KIAA1549L: variants seen among roughly 807,000 people sequenced by gnomAD.
KIAA1549L encodes UPF0606 protein KIAA1549L.
KIAA1549L carries 88 observed loss-of-function variants against 160.7 expected under a neutral mutation model. The observed-to-expected ratio is 0.55, with a 90% CI of 0.46 to 0.65. The LOEUF is 0.65. Ranked by LOEUF, KIAA1549L falls within the 30% of genes least tolerant of loss-of-function variation. The pLI is 0.00. For synonymous variants in KIAA1549L, 950 were observed against 976.7 expected (o/e 0.97, Z 0.51); for missense variants, 2,258 against 2,437.5 (o/e 0.93, Z 1.55).
At chr11:33,485,085 C>T (rs1422477989) in intron 1 of KIAA1549L, among the ~76,000 whole-genome samples, 1 of 152,170 alleles carries the variant, frequency 6.6e-6, no homozygotes, top group Non-Finnish European at 1.5e-5. Flanking sequence ...GACCCAGCAC[C>T]TTCAACCTTA....
intron 1 of KIAA1549L, among the ~76,000 whole-genome samples, chr11:33,523,424 T>A (rs891864165): frequency 3.3e-5 from 5 of 152,254 alleles, no homozygotes; most frequent in Non-Finnish European, 7.3e-5. Flanking sequence ...CATATCTATT[T>A]ATTGGAACAT....
At chr11:33,615,881 G>A (rs1366291581) in intron 15 of KIAA1549L, among the ~76,000 whole-genome samples, 2 of 152,168 alleles carry the variant, frequency 1.3e-5, no homozygotes, top group South Asian at 4.1e-4. Flanking sequence ...TCCCAAAAAC[G>A]ATGTGTAATT....
chr11:33,513,444 C>T (rs1269756853), intron 1 of KIAA1549L, among the ~76,000 whole-genome samples: 5 of 152,138 alleles, frequency 3.3e-5, no homozygotes, highest in African/African-American at 1.2e-4. Flanking sequence ...CAGAAGAGAA[C>T]GTGCCACTGG....
chr11:33,542,123 G>A lies in KIAA1549L; in HGVS notation c.560G>A (p.Gly187Glu), dbSNP rs1037202576. Residue 187 changes from glycine (G) to glutamate (E), a missense_variant, in exon 2 of 21, where the codon GGA becomes GAA. By Grantham distance (98) the Gly-to-Glu change is moderately conservative. This residue lies in a region of KIAA1549L where 540 missense variants were observed against 465.7 expected (regional missense o/e 1.16). Coordinates refer to ENST00000658780, the MANE Select transcript of KIAA1549L (RefSeq NM_012194.3). ...CTGGTCCAACCGGGGCCTAAAGGGGGACAAGAAGCAGCCGATGTGTCAGGT... is the reference window on the plus strand; with the variant it reads ...CTGGTCCAACCGGGGCCTAAAGGGGAACAAGAAGCAGCCGATGTGTCAGGT... ...ESLVQPGPKG[G>E]QEAADVSGLP... 1.1e-5 allele frequency: 6 copies of A among 528,378 alleles called. No individual in the cohort carries two copies. Among genetic ancestry groups the A allele is most frequent in the Middle Eastern group, 2.9e-4 (1 of 3,466 alleles). The allele number at this position is 528,378 out of a possible 1,614,324, so 32.7% of individuals were successfully genotyped here. A position where few individuals can be genotyped will look rare whatever the true frequency, so the allele number is the denominator to read the frequency against.
chr11:33,544,608 T>G (rs889522176), intron 2 of KIAA1549L, among the ~76,000 whole-genome samples, 159 bp from the exon 3 acceptor site: 1 of 152,200 alleles, frequency 6.6e-6, no homozygotes, highest in East Asian at 1.9e-4. Context: ...TAATCAAGTT[T>G]ATGAGCCTAG....
intron 1 of KIAA1549L, among the ~76,000 whole-genome samples, chr11:33,472,118 TTCTC>T (rs1367044948): frequency 2.0e-5 from 3 of 151,758 alleles, no homozygotes; most frequent in Admixed American, 6.6e-5. Context: ...TTTTTTTCCT[TTCTC>T]TCTCTTTCTT....
At chr11:33,661,060 C>T (rs762439693) in intron 20 of KIAA1549L, 46 bp downstream of exon 20, 1 of 1,537,698 alleles carries the variant, frequency 6.5e-7, no homozygotes, top group African/African-American at 1.4e-5. Flanking sequence ...CTGCTTAACA[C>T]ATGCCAAAAA....
intron 1 of KIAA1549L, among the ~76,000 whole-genome samples, chr11:33,465,253 C>T (rs751942214): frequency 1.3e-5 from 2 of 151,914 alleles, no homozygotes; most frequent in Non-Finnish European, 2.9e-5. Context: ...CGGGGTTCAC[C>T]ATGTTAGCCA....
At chr11:33,453,027 A>G (rs1027136847) in intron 1 of KIAA1549L, among the ~76,000 whole-genome samples, 13 of 152,354 alleles carry the variant, frequency 8.5e-5, no homozygotes, top group African/African-American at 3.1e-4. Flanking sequence ...TTCCAGCCAG[A>G]CTTAGACTTT....
intron 2 of KIAA1549L, 71 bp from the exon 3 acceptor site, chr11:33,544,696 C>G: frequency 6.6e-7 from 1 of 1,517,628 alleles, no homozygotes; most frequent in Non-Finnish European, 8.8e-7. Context: ...AAGTTACATC[C>G]ATTCATCATC....
Position 33,537,081 on chromosome 11 carries a change from C to T in KIAA1549L, c.239-4721C>T, listed in dbSNP as rs988135724. Among the ~76,000 whole-genome samples, 3 of 152,232 alleles carry T rather than the reference C, an allele frequency of 2.0e-5. No individual in the cohort carries two copies. The East Asian group carries it at 5.8e-4, about 29-fold the overall frequency. Reference sequence around the variant, plus strand: ...TGCCCACCTGCTGTTCTTGATCTAGCTGTGGTTACCTTTTATCAGTTCCTT... The same window carrying T: ...TGCCCACCTGCTGTTCTTGATCTAGTTGTGGTTACCTTTTATCAGTTCCTT... On this transcript the variant is annotated intron_variant, in intron 1 of 20. Transcript: ENST00000658780.
chr11:33,499,405 T>C (rs1487045633), intron 1 of KIAA1549L, among the ~76,000 whole-genome samples: 1 of 152,180 alleles, frequency 6.6e-6, no homozygotes, highest in Admixed American at 6.5e-5. Context: ...TATTGGGGTA[T>C]TTTGGGGAGG....
chr11:33,597,744 T>C (rs1850239255), intron 12 of KIAA1549L, among the ~76,000 whole-genome samples: 2 of 152,138 alleles, frequency 1.3e-5, no homozygotes, highest in Non-Finnish European at 2.9e-5. Context: ...GAAGGCTCTG[T>C]GACTTGCCCT....
chr11:33,395,174 C>T (rs559383940), intron 1 of KIAA1549L, among the ~76,000 whole-genome samples: 122 of 152,354 alleles, frequency 8.0e-4, no homozygotes, highest in African/African-American at 2.9e-3. Context: ...ATAATGTCAA[C>T]TCTAGCAGGA....
At chr11:33,403,852 C>T (rs1850591045) in intron 1 of KIAA1549L, among the ~76,000 whole-genome samples, 1 of 152,140 alleles carries the variant, frequency 6.6e-6, no homozygotes, top group Admixed American at 6.6e-5. Context: ...AGCTATAAAT[C>T]CTTGAAATTA....
intron 1 of KIAA1549L, among the ~76,000 whole-genome samples, chr11:33,499,740 A>G (rs527899102): frequency 1.3e-5 from 2 of 152,346 alleles, no homozygotes; most frequent in East Asian, 1.9e-4. Context: ...TACCCAAGCC[A>G]TTAGATACTC....
At chr11:33,652,515 G>C (rs776149045) in intron 17 of KIAA1549L, among the ~76,000 whole-genome samples, 1 of 152,190 alleles carries the variant, frequency 6.6e-6, no homozygotes, top group Admixed American at 6.5e-5. Context: ...TTTTTCATCA[G>C]TTCTCTTGGT....
intron 11 of KIAA1549L, among the ~76,000 whole-genome samples, chr11:33,586,206 T>G (rs953527173): frequency 9.2e-5 from 14 of 152,242 alleles, no homozygotes; most frequent in African/African-American, 3.4e-4. Flanking sequence ...CCTGGGGACA[T>G]CGCTGCATCT....
At chr11:33,545,901 C>T (rs575709376) in intron 3 of KIAA1549L, among the ~76,000 whole-genome samples, 3 of 152,294 alleles carry the variant, frequency 2.0e-5, no homozygotes, top group Admixed American at 6.5e-5. Context: ...TTTTGTCATG[C>T]ATTTTTTCAA....
Sources: allele counts gnomAD v4.1 joint callset (sites outside exome capture counted in the v4.1 genomes callset), GRCh38; gene constraint gnomAD v4.1.1; regional missense constraint gnomAD v4.1.1; transcripts MANE v1.5; gene names NCBI Gene and HGNC (gene_info 2026-07-23, HGNC 2026-07-21).